Variants in FAAH2 observed in about 807,000 individuals in gnomAD.
The protein encoded by FAAH2 is fatty-acid amide hydrolase 2.
In FAAH2, 60 loss-of-function variants were observed where a neutral mutation model predicts 36.9. The ratio of observed to expected loss-of-function variants is 1.63; its 90% CI spans 1.32 to 2.02. FAAH2 has a LOEUF of 2.02. Ranked by LOEUF, FAAH2 falls within the 30% of genes most tolerant of loss-of-function variation. The probability of loss-of-function intolerance (pLI) is 0.00; values close to 1 mark genes in which losing one functional copy is unlikely to be tolerated. For missense variants in FAAH2, 689 were observed against 397.5 expected, an observed-to-expected ratio of 1.73 and a Z score of -6.23; for synonymous variants, 214 against 143.8, an observed-to-expected ratio of 1.49 and a Z score of -3.49.
intron 7 of FAAH2, among the ~76,000 whole-genome samples, chrX:57,429,409 T>A (rs1401996148): frequency 1.9e-5 from 2 of 107,660 alleles, no homozygotes; most frequent in Non-Finnish European, 3.8e-5. Flanking sequence ...AAAGAAGACA[T>A]ACAAATGGCC....
At chrX:57,231,931 T>A in the FAAH2 span, among the ~76,000 whole-genome samples, 1 of 111,459 alleles carries the variant, frequency 9.0e-6, no homozygotes, top group Admixed American at 9.5e-5. Context: ...GGAAGATAAA[T>A]TTTGTGACCA....
chrX:57,216,538 A>G, the FAAH2 span, among the ~76,000 whole-genome samples: 24 of 65,102 alleles, frequency 3.7e-4, no homozygotes, highest in Middle Eastern at 8.1e-3. Flanking sequence ...ATATATATAT[A>G]TATACGTATA....
chrX:57,188,296 G>T, the FAAH2 span, among the ~76,000 whole-genome samples: 1 of 111,218 alleles, frequency 9.0e-6, no homozygotes, highest in African/African-American at 3.3e-5. Context: ...TTGGGAGGGT[G>T]TATGCATCCA....
chrX:57,399,551 G>A (rs2055383599), intron 7 of FAAH2, among the ~76,000 whole-genome samples: 1 of 111,571 alleles, frequency 9.0e-6, no homozygotes, highest in African/African-American at 3.3e-5. Flanking sequence ...CATTTCTTAT[G>A]GAGGGTCCTG....
At chrX:57,404,142 C>T (rs1246137234) in intron 7 of FAAH2, among the ~76,000 whole-genome samples, 3 of 112,145 alleles carry the variant, frequency 2.7e-5, no homozygotes, top group Admixed American at 9.5e-5. Context: ...TATCAGTGGC[C>T]TCAGTGCTTT....
the FAAH2 span, among the ~76,000 whole-genome samples, chrX:57,235,685 A>G: frequency 2.7e-5 from 3 of 111,692 alleles, no homozygotes; most frequent in Non-Finnish European, 5.7e-5. Flanking sequence ...GTTTAACTTT[A>G]TTTTCAAGTG....
At chrX:57,341,997 G>T (rs2053699037) in intron 5 of FAAH2, among the ~76,000 whole-genome samples, 1 of 111,298 alleles carries the variant, frequency 9.0e-6, no homozygotes, top group African/African-American at 3.3e-5. Context: ...AAATCTTCTA[G>T]GCTTTCAAAA....
chrX:57,310,810 G>A (rs1395290355), intron 3 of FAAH2, 81 bp downstream of exon 3: 1 of 1,013,920 alleles, frequency 9.9e-7, no homozygotes, highest in African/African-American at 1.9e-5. Flanking sequence ...AAAAAGGATG[G>A]TATAAAAGTG....
At chrX:57,376,569 G>T (rs2054685394) in intron 5 of FAAH2, among the ~76,000 whole-genome samples, 1 of 111,891 alleles carries the variant, frequency 8.9e-6, no homozygotes, top group African/African-American at 3.2e-5. Context: ...GGGCATTTGG[G>T]TCAGTTCTAA....
chrX:57,131,532 G>A, the FAAH2 span, among the ~76,000 whole-genome samples: 1 of 111,888 alleles, frequency 8.9e-6, no homozygotes, highest in Non-Finnish European at 1.9e-5. Flanking sequence ...CCCCTATCTA[G>A]CCATGTCCTC....
intron 7 of FAAH2, among the ~76,000 whole-genome samples, chrX:57,421,048 C>A (rs774184974): frequency 8.9e-6 from 1 of 112,183 alleles, no homozygotes; most frequent in South Asian, 3.7e-4. Context: ...TTCCCCTTCC[C>A]AGTACTCTTC....
At chrX:57,340,250 A>C (rs1419531824) in intron 4 of FAAH2, among the ~76,000 whole-genome samples, 1 of 111,547 alleles carries the variant, frequency 9.0e-6, no homozygotes, top group African/African-American at 3.3e-5. Flanking sequence ...GCTCTTTCCA[A>C]TTTCTATCTG....
the FAAH2 span, among the ~76,000 whole-genome samples, chrX:57,239,626 A>G: frequency 1.8e-5 from 2 of 111,153 alleles, no homozygotes; most frequent in Non-Finnish European, 3.8e-5. Flanking sequence ...ATGCTTAAAT[A>G]TGTTTTCCAA....
chrX:57,462,105 G>T (rs1392148146), intron 10 of FAAH2, among the ~76,000 whole-genome samples: 1 of 93,463 alleles, frequency 1.1e-5, no homozygotes, highest in East Asian at 3.6e-4. Context: ...CCAGGAGGAA[G>T]TCACATCCCT....
intron 7 of FAAH2, among the ~76,000 whole-genome samples, chrX:57,419,958 G>T (rs527341467): frequency 9.0e-6 from 1 of 111,719 alleles, no homozygotes; most frequent in Non-Finnish European, 1.9e-5. Flanking sequence ...TTTCCCAGCA[G>T]CATTTATTAA....
the FAAH2 span, among the ~76,000 whole-genome samples, chrX:57,163,089 C>T: frequency 8.0e-5 from 9 of 111,820 alleles, no homozygotes; most frequent in East Asian, 2.3e-3. Flanking sequence ...AGACAGGACC[C>T]TCAGCTGCAG....
At chrX:57,144,487 G>A in the FAAH2 span, among the ~76,000 whole-genome samples, 3 of 108,485 alleles carry the variant, frequency 2.8e-5, no homozygotes, top group Admixed American at 1.0e-4. Context: ...TCTGGATCTC[G>A]TAAGCACACT....
intron 7 of FAAH2, among the ~76,000 whole-genome samples, chrX:57,430,138 A>C (rs1241900594): frequency 9.0e-6 from 1 of 111,678 alleles, no homozygotes; most frequent in African/African-American, 3.3e-5. Flanking sequence ...ACCATTATGC[A>C]ATATATCCAT....
At chrX:57,261,328 G>A in the FAAH2 span, among the ~76,000 whole-genome samples, 2 of 110,173 alleles carry the variant, frequency 1.8e-5, no homozygotes, top group Non-Finnish European at 3.8e-5. Context: ...CAAGGCGGGT[G>A]GATCATCTGA....
Sources: gnomAD v4.1 joint callset for allele counts (sites outside exome capture counted in the v4.1 genomes callset) on GRCh38, gnomAD v4.1.1 for gene constraint, MANE v1.5 for transcripts, NCBI Gene and HGNC (gene_info 2026-07-23, HGNC 2026-07-21) for gene names.